The following GJB7 variants were observed in gnomAD, a reference collection of about 807,000 sequenced individuals.
GJB7 encodes the protein gap junction beta-7 protein.
For synonymous variants in GJB7, 87 were observed against 95.2 expected (o/e 0.91, Z 0.50); for missense variants, 253 against 256.8 (o/e 0.99, Z 0.10).
intron 2 of GJB7, among the ~76,000 whole-genome samples, chr6:87,288,194 C>A (rs1776098046): frequency 6.6e-6 from 1 of 152,118 alleles, no homozygotes; most frequent in Non-Finnish European, 1.5e-5. Flanking sequence ...AGCCACCGTG[C>A]CTGGCCCCTA....
intron 2 of GJB7, among the ~76,000 whole-genome samples, chr6:87,298,073 A>G (rs1273978797): frequency 6.6e-6 from 1 of 152,246 alleles, no homozygotes; most frequent in Non-Finnish European, 1.5e-5. Flanking sequence ...AGTCAGAGAC[A>G]GAATCAAAGG....
At chr6:87,314,217 C>T (rs938314653) in intron 2 of GJB7, among the ~76,000 whole-genome samples, 1 of 152,140 alleles carries the variant, frequency 6.6e-6, no homozygotes, top group Non-Finnish European at 1.5e-5. Flanking sequence ...TTGATACTGG[C>T]ATTTCACTGA....
Position 87,284,244 on chromosome 6 carries a change from C to T in GJB7, c.669G>A (p.Val223=), listed in dbSNP as rs770187051. The T allele has an allele frequency of 3.7e-6, 6 of 1,611,756 alleles. No homozygotes were observed. In the South Asian group the frequency reaches 6.6e-5, roughly 18 times the overall value. Residue 223 remains valine, a synonymous_variant, in exon 3 of 3, where the codon GTG becomes GTA. Coordinates refer to ENST00000525899, the MANE Select transcript of GJB7 (RefSeq NM_198568.3). ...KYLKKPQVLS[V] ...AACATATCTGAGGCTGTGGCACTCA[C>T]ACACTGAGGACTTGAGGTTTTTTTA...
intron 2 of GJB7, chr6:87,298,982 G>T (rs971566058): frequency 2.1e-5 from 10 of 467,390 alleles, no homozygotes; most frequent in Non-Finnish European, 4.2e-5. Flanking sequence ...AGTAACAAAA[G>T]ATGGTGTGAC....
At chr6:87,309,637 T>C (rs984385457) in intron 2 of GJB7, among the ~76,000 whole-genome samples, 1 of 152,064 alleles carries the variant, frequency 6.6e-6, no homozygotes, top group Non-Finnish European at 1.5e-5. Flanking sequence ...AAAATATTGA[T>C]TTTTTTTCTT....
In GJB7 at chr6:87,322,599, T is replaced by C. The variant is rs543469484; in HGVS notation, c.-28+267A>G. On this transcript the variant is annotated intron_variant, in intron 2 of 2. Coordinates refer to ENST00000525899, the MANE Select transcript of GJB7 (RefSeq NM_198568.3). Reference sequence around the variant, plus strand: ...CGGGGCGGCGAAGCGGGGCGGGGCGTCTCGGGCGAGGAGAGGAGGTGACCC... The same window carrying C: ...CGGGGCGGCGAAGCGGGGCGGGGCGCCTCGGGCGAGGAGAGGAGGTGACCC... 6.6e-3 allele frequency: 1,007 copies of C among 152,340 alleles called. 6 individuals are homozygous for C. Among genetic ancestry groups the C allele is most frequent in the South Asian group, 0.012 (59 of 4,820 alleles). The allele number at this position is 152,340 out of a possible 1,614,324, so 9.4% of individuals were successfully genotyped here.
chr6:87,317,185 T>G, intron 2 of GJB7, among the ~76,000 whole-genome samples: 1 of 136,844 alleles, frequency 7.3e-6, no homozygotes. Flanking sequence ...TGAGACCCTG[T>G]CTCTACTAAA....
At chr6:87,313,777 G>A (rs191634769) in intron 2 of GJB7, among the ~76,000 whole-genome samples, 6 of 152,350 alleles carry the variant, frequency 3.9e-5, no homozygotes, top group Admixed American at 3.9e-4. Flanking sequence ...GTTTCTGAAA[G>A]TGGGGTTTGA....
rs186695178 is a variant in GJB7 at position 87,325,966 on chromosome 6, G to C, written c.-205-2923C>G. ...AGCTCCTGTTATTGGTCTATTAAGA[G>C]ATTCAACTTCTTCCTAGTTTAGTCT... On this transcript the variant is annotated intron_variant, in intron 1 of 2. Coordinates refer to ENST00000525899, the MANE Select transcript of GJB7 (RefSeq NM_198568.3). Among the ~76,000 whole-genome samples, 591 of 152,300 alleles carry C rather than the reference G, an allele frequency of 3.9e-3. 1 individual carries two copies. Among genetic ancestry groups the C allele is most frequent in the African/African-American group, 0.014 (566 of 41,550 alleles).
chr6:87,299,031 A>G lies in GJB7; in HGVS notation c.-27-14092T>C, dbSNP rs960693794. The G allele has an allele frequency of 5.9e-6, 3 of 505,394 alleles. No individual in the cohort carries two copies. In the Admixed American group the frequency reaches 6.1e-5, roughly 10 times the overall value. The allele number at this position is 505,394 out of a possible 1,614,324, so 31.3% of individuals were successfully genotyped here. On this transcript the variant is annotated intron_variant, in intron 2 of 2. Coordinates refer to ENST00000525899, the MANE Select transcript of GJB7 (RefSeq NM_198568.3). The stretch of plus-strand genomic sequence containing the variant: ...ATTGATGTAAAGGATAAACATAAAA[A>G]TATTGGAGTTAAACTTGTTCAAGAT...
At chr6:87,321,224 C>T (rs1299712897) in intron 2 of GJB7, among the ~76,000 whole-genome samples, 1 of 81,116 alleles carries the variant, frequency 1.2e-5, no homozygotes, top group Non-Finnish European at 2.6e-5. Context: ...GACACTCCAT[C>T]TCAAAAAAAA....
chr6:87,304,889 G>A (rs1042640679), intron 2 of GJB7, among the ~76,000 whole-genome samples: 5 of 152,130 alleles, frequency 3.3e-5, no homozygotes, highest in Non-Finnish European at 7.4e-5. Flanking sequence ...ATCAATGAAC[G>A]TAATCCAGCA....
At chr6:87,318,039 T>TA (rs769470221) in intron 2 of GJB7, among the ~76,000 whole-genome samples, 22 of 151,714 alleles carry the variant, frequency 1.5e-4, no homozygotes, top group Non-Finnish European at 2.8e-4. Context: ...TGAAAAGTAT[T>TA]AAAAACAGTT....
At chr6:87,299,878 C>T (rs982137842) in intron 2 of GJB7, 12 of 231,558 alleles carry the variant, frequency 5.2e-5, no homozygotes, top group Admixed American at 4.9e-4. Context: ...TTCAAGAAAT[C>T]GTTGAGCAGT....
intron 2 of GJB7, among the ~76,000 whole-genome samples, chr6:87,287,906 A>T (rs999417077): frequency 1.5e-4 from 23 of 152,138 alleles, no homozygotes; most frequent in East Asian, 3.9e-4. Flanking sequence ...CTATTTTTTT[A>T]AAAAAATTTT....
intron 1 of GJB7, among the ~76,000 whole-genome samples, chr6:87,326,851 A>G (rs1171796052): frequency 8.3e-6 from 1 of 120,548 alleles, no homozygotes; most frequent in Non-Finnish European, 1.7e-5. Flanking sequence ...TGATCTGTCT[A>G]ATGTTGACAG....
intron 2 of GJB7, among the ~76,000 whole-genome samples, chr6:87,307,926 C>T (rs1403887697): frequency 1.3e-5 from 2 of 152,116 alleles, no homozygotes; most frequent in Admixed American, 6.6e-5. Context: ...CACAGGCACA[C>T]GTATGTTTAT....
rs116599516 is a variant in GJB7, at chr6:87,320,067, A to G, written c.-28+2799T>C. Among the ~76,000 whole-genome samples the G allele has an allele frequency of 3.3e-3, 505 of 152,268 alleles. 2 individuals carry two copies. The highest frequency in any genetic ancestry group is 0.012 in the African/African-American group (487 of 41,538). On this transcript the variant is annotated intron_variant, in intron 2 of 2. Coordinates refer to ENST00000525899, the MANE Select transcript of GJB7 (RefSeq NM_198568.3). Reference sequence around the variant, plus strand: ...AATGGGGATTTTTAGCGGGTACAAAAGTATAGTCAGATAAAATGAATAAGA... The same window carrying G: ...AATGGGGATTTTTAGCGGGTACAAAGGTATAGTCAGATAAAATGAATAAGA...
intron 1 of GJB7, among the ~76,000 whole-genome samples, 158 bp downstream of exon 1, chr6:87,328,980 A>G (rs988763228): frequency 6.6e-6 from 1 of 152,170 alleles, no homozygotes; most frequent in African/African-American, 2.4e-5. Context: ...GCCCGTCGGA[A>G]AAGCGCAGGA....
Sources: allele counts gnomAD v4.1 joint callset (sites outside exome capture counted in the v4.1 genomes callset), GRCh38; gene constraint gnomAD v4.1.1; transcripts MANE v1.5; gene names NCBI Gene and HGNC (gene_info 2026-07-23, HGNC 2026-07-21).